The following LUC7L2 variants were observed in gnomAD, a reference collection of about 807,000 sequenced individuals.
LUC7L2 encodes putative RNA-binding protein Luc7-like 2.
LUC7L2 carries 25 observed loss-of-function variants against 52.8 expected under a neutral mutation model. The ratio of observed to expected loss-of-function variants is 0.47; its 90% CI spans 0.34 to 0.66. LUC7L2 has a LOEUF of 0.66. Ranked by LOEUF, LUC7L2 falls within the 30% of genes least tolerant of loss-of-function variation. LUC7L2 has a pLI of 0.01. For synonymous variants in LUC7L2, 144 were observed against 160.9 expected (o/e 0.89, Z 0.80); for missense variants, 328 against 497.8 (o/e 0.66, Z 3.25).
At chr7:139,350,123 C>T (rs544172959) in intron 1 of LUC7L2, among the ~76,000 whole-genome samples, 4 of 151,236 alleles carry the variant, frequency 2.6e-5, no homozygotes, top group Non-Finnish European at 5.9e-5. Context: ...GAGCCTTAAC[C>T]TTATCTTTTT....
At chr7:139,419,140 AAC>A (rs1554398595) in intron 9 of LUC7L2, among the ~76,000 whole-genome samples, 1 of 151,924 alleles carries the variant, frequency 6.6e-6, no homozygotes, top group Admixed American at 6.6e-5. Flanking sequence ...CAAAAAAAAA[AAC>A]AAAAAGTCTC....
chr7:139,381,878 ATTTTTTTT>A (rs57302073), intron 2 of LUC7L2, among the ~76,000 whole-genome samples: 41,789 of 105,192 alleles, frequency 0.4, 9,773 homozygotes, highest in African/African-American at 0.74. Flanking sequence ...GCCTGGCCTA[ATTTTTTTT>A]TTTTTTTTTT....
chr7:139,368,590 T>A (rs1046800030), intron 1 of LUC7L2, among the ~76,000 whole-genome samples: 2 of 151,984 alleles, frequency 1.3e-5, no homozygotes, highest in African/African-American at 4.8e-5. Flanking sequence ...ATATAAAAAT[T>A]AGCCAGATGT....
At chr7:139,410,332 GT>G (rs1795308638) in intron 7 of LUC7L2, among the ~76,000 whole-genome samples, 1 of 151,996 alleles carries the variant, frequency 6.6e-6, no homozygotes, top group Admixed American at 6.6e-5. Flanking sequence ...TTAACAAAAG[GT>G]TTAAGGGTGG....
chr7:139,397,935 C>T (rs1390795487), intron 2 of LUC7L2, among the ~76,000 whole-genome samples: 2 of 152,108 alleles, frequency 1.3e-5, no homozygotes, highest in Non-Finnish European at 2.9e-5. Flanking sequence ...AGTAAATCAC[C>T]TCTTTACTAG....
intron 8 of LUC7L2, chr7:139,417,237 C>T (rs1039092965): frequency 3.2e-5 from 8 of 251,538 alleles, no homozygotes; most frequent in South Asian, 3.0e-4. Context: ...GACAGAGTTT[C>T]GCCATGTTGC....
At chr7:139,361,836 AAAATT>A (rs1376360147) in intron 1 of LUC7L2, among the ~76,000 whole-genome samples, 1 of 152,194 alleles carries the variant, frequency 6.6e-6, no homozygotes, top group Non-Finnish European at 1.5e-5. Flanking sequence ...TCTGTGTAAT[AAAATT>A]AAGTTATTTA....
chr7:139,400,990 A>G (rs897137211), intron 3 of LUC7L2, among the ~76,000 whole-genome samples: 16 of 152,222 alleles, frequency 1.1e-4, no homozygotes, highest in Non-Finnish European at 2.2e-4. Flanking sequence ...AAACATTTGT[A>G]TCTTGAATTA....
intron 2 of LUC7L2, among the ~76,000 whole-genome samples, chr7:139,393,547 A>C (rs1225963555): frequency 6.6e-6 from 1 of 152,114 alleles, no homozygotes; most frequent in African/African-American, 2.4e-5. Flanking sequence ...CCTGGGTTCA[A>C]GTGATTATTG....
At position 139,409,586 on chromosome 7, in the gene LUC7L2, G is replaced by A; in HGVS notation, c.711G>A (p.Glu237=). The A allele has an allele frequency of 1.2e-6, 2 of 1,610,814 alleles. No individual in the cohort carries two copies. The highest frequency in any genetic ancestry group is 1.7e-6 in the Non-Finnish European group (2 of 1,178,200). ...ELKRVVAEKQ[E]KRNQERLKRR... is the part of the protein sequence containing the mutation. ...AGAGAGTCGTAGCTGAGAAGCAGGA[G>A]AAAAGAAACCAGGAACGGCTGAAAC... The change falls in exon 7 of 10, where the codon GAG becomes GAA. Residue 237 remains glutamate, a synonymous_variant. Transcript: ENST00000354926.
At chr7:139,364,593 T>G (rs759086224) in intron 1 of LUC7L2, among the ~76,000 whole-genome samples, 1 of 152,226 alleles carries the variant, frequency 6.6e-6, no homozygotes, top group Non-Finnish European at 1.5e-5. Flanking sequence ...AGTTATAGTT[T>G]GTGGGATATA....
chr7:139,391,334 G>T (rs1346935053), intron 2 of LUC7L2, among the ~76,000 whole-genome samples: 1 of 152,082 alleles, frequency 6.6e-6, no homozygotes, highest in Admixed American at 6.5e-5. Context: ...TCAGGATCTG[G>T]TTCTTAGAAC....
At chr7:139,400,246 GCTGTAATC>G (rs1226806444) in intron 3 of LUC7L2, among the ~76,000 whole-genome samples, 2 of 151,884 alleles carry the variant, frequency 1.3e-5, no homozygotes, top group African/African-American at 2.4e-5. Context: ...ACTTTGGGAG[GCTGTAATC>G]CCAGCACTTT....
intron 1 of LUC7L2, among the ~76,000 whole-genome samples, chr7:139,373,963 T>C (rs1400991415): frequency 6.6e-6 from 1 of 152,222 alleles, no homozygotes; most frequent in East Asian, 1.9e-4. Flanking sequence ...TTAAAATTGC[T>C]TAATATAATT....
intron 2 of LUC7L2, among the ~76,000 whole-genome samples, chr7:139,398,346 A>G (rs967748022): frequency 2.6e-5 from 4 of 152,200 alleles, no homozygotes; most frequent in Non-Finnish European, 5.9e-5. Context: ...CAGATTCTGA[A>G]AAGCTTTTCC....
chr7:139,350,681 C>CT (rs1176166251), intron 1 of LUC7L2, among the ~76,000 whole-genome samples: 155 of 126,318 alleles, frequency 1.2e-3, no homozygotes, highest in Admixed American at 4.9e-3. Flanking sequence ...CCACATTCTT[C>CT]TTTTTTTTTT....
At chr7:139,341,424 C>T (rs1415784095) in intron 1 of LUC7L2, 1 of 1,613,580 alleles carries the variant, frequency 6.2e-7, no homozygotes, top group South Asian at 1.1e-5. Context: ...TTTTCGAGGA[C>T]TTCTGCGGGA....
At chr7:139,410,990 C>T (rs1795335553) in intron 7 of LUC7L2, among the ~76,000 whole-genome samples, 1 of 152,132 alleles carries the variant, frequency 6.6e-6, no homozygotes, top group African/African-American at 2.4e-5. Flanking sequence ...TACCTCAGAG[C>T]TTTTATCTAC....
chr7:139,365,074 A>T (rs1446238934), intron 1 of LUC7L2, among the ~76,000 whole-genome samples: 2 of 152,246 alleles, frequency 1.3e-5, no homozygotes, highest in Non-Finnish European at 2.9e-5. Flanking sequence ...TCTGCGTTTC[A>T]GTTAACTATT....
Sources: allele counts gnomAD v4.1 joint callset (sites outside exome capture counted in the v4.1 genomes callset), GRCh38; gene constraint gnomAD v4.1.1; transcripts MANE v1.5; gene names NCBI Gene and HGNC (gene_info 2026-07-23, HGNC 2026-07-21).